Variants in MRPS25 observed in about 807,000 individuals in gnomAD.
The protein encoded by MRPS25 is small ribosomal subunit protein mS25.
Under a neutral mutation model 17.3 loss-of-function variants are expected in MRPS25, and 15 were observed. The ratio of observed to expected loss-of-function variants is 0.87; its 90% CI spans 0.58 to 1.34. MRPS25 has a LOEUF of 1.34. Among genes scored for constraint, MRPS25 ranks in the 40% most tolerant of loss-of-function variants. The pLI, the probability that MRPS25 is intolerant of heterozygous loss-of-function variation, is 0.00. For missense variants in MRPS25, 225 were observed against 218.6 expected, an observed-to-expected ratio of 1.03 and a Z score of -0.19; for synonymous variants, 94 against 83.3, an observed-to-expected ratio of 1.13 and a Z score of -0.70.
intron 2 of MRPS25, among the ~76,000 whole-genome samples, chr3:15,058,037 A>G (rs2042696556): frequency 6.6e-6 from 1 of 151,854 alleles, no homozygotes; most frequent in South Asian, 2.1e-4. Context: ...ATATGCCACC[A>G]CACTGGCTAA....
intron 2 of MRPS25, among the ~76,000 whole-genome samples, chr3:15,053,907 C>T (rs2042639012): frequency 1.3e-5 from 2 of 152,294 alleles, no homozygotes; most frequent in South Asian, 4.1e-4. Flanking sequence ...CGTTTACTTT[C>T]CAATTTCAAA....
downstream of MRPS25, chr3:15,046,668 G>C (rs749729709): frequency 2.6e-5 from 4 of 152,360 alleles, no homozygotes; most frequent in Non-Finnish European, 4.4e-5. Flanking sequence ...ATGACTTTAT[G>C]TGCAATGGGG....
chr3:15,065,212 G>T lies in MRPS25; in HGVS notation c.-18C>A. On this transcript the variant is annotated 5_prime_UTR_variant, in exon 1 of 4. Coordinates refer to ENST00000253686, the MANE Select transcript of MRPS25 (RefSeq NM_022497.5). ...ATGGGCATGGCGGCAACGGTGGCGG[G>T]GCCGACCCCACGGGCCGCGAGCCGA... is the stretch of plus-strand genomic sequence containing the variant. The T allele has an allele frequency of 6.4e-7, 1 of 1,574,294 alleles. No individual in the cohort carries two copies. The highest frequency in any genetic ancestry group is 1.4e-5 in the African/African-American group (1 of 73,888).
Position 15,065,072 on chromosome 3 carries a change from G to A in MRPS25, c.123C>T (p.Gly41=), listed in dbSNP as rs1239546110. 1.3e-6 allele frequency: 2 copies of A among 1,594,550 alleles called. No individual in the cohort carries two copies. The highest frequency in any genetic ancestry group is 1.7e-6 in the Non-Finnish European group (2 of 1,172,544). The change falls in exon 1 of 4, where the codon GGC becomes GGT. Residue 41 remains glycine, a synonymous_variant. Coordinates refer to ENST00000253686, the MANE Select transcript of MRPS25 (RefSeq NM_022497.5). ...GGGCTGCGACTGACCTGGCGCCCTC[G>A]CCCAGCTCCCCATGCGTGTTGTAAT... ...TVNYNTHGEL[G]EGARKFVFFN...
intron 2 of MRPS25, among the ~76,000 whole-genome samples, chr3:15,053,983 G>A (rs1384021543): frequency 5.3e-5 from 8 of 152,150 alleles, no homozygotes; most frequent in African/African-American, 1.7e-4. Context: ...ATGGCCGGGC[G>A]CGGTGGCTCA....
At position 15,051,736 on chromosome 3, in the gene MRPS25, T is replaced by G. The variant is rs868174881; in HGVS notation, c.*705A>C. ...CTCCACTAGGTGGTGTCTCCTCATT[T>G]CCTCCATGGCCTACAAACCTCCCTG... On this transcript the variant is annotated 3_prime_UTR_variant, in exon 4 of 4. Coordinates refer to ENST00000253686, the MANE Select transcript of MRPS25 (RefSeq NM_022497.5). The G allele has an allele frequency of 1.0e-6, 1 of 985,528 alleles. No homozygotes were observed. Among genetic ancestry groups the G allele is most frequent in the Non-Finnish European group, 1.2e-6 (1 of 830,052 alleles). 61.0% of individuals were successfully genotyped at this position (985,528 alleles called of 1,614,324 possible).
downstream of MRPS25, chr3:15,047,499 A>G (rs1188427673): frequency 1.3e-5 from 2 of 152,232 alleles, no homozygotes; most frequent in Non-Finnish European, 1.5e-5. Context: ...GGGTTGAGCC[A>G]TCAGCCTTCC....
Position 15,050,129 on chromosome 3 carries a change from CTA to C in MRPS25, c.*2310_*2311del. 7.3e-7 allele frequency: 1 copy of C among 1,370,798 alleles called. No individual in the cohort carries two copies. The allele number at this position is 1,370,798 out of a possible 1,614,324, so 84.9% of individuals were successfully genotyped here. A position where few individuals can be genotyped will look rare whatever the true frequency, so the allele number is the denominator to read the frequency against. ...GGAAAGACAAAGGTTTAAAGAGAAACTATCCAGGATCAAGTAGCCTACAGGGA... is the reference window on the plus strand; with the variant it reads ...GGAAAGACAAAGGTTTAAAGAGAAACTCCAGGATCAAGTAGCCTACAGGGA... On this transcript the variant is annotated 3_prime_UTR_variant, in exon 4 of 4. Coordinates refer to ENST00000253686, the MANE Select transcript of MRPS25 (RefSeq NM_022497.5).
rs532323864 is a variant in MRPS25, at chr3:15,058,606, T to G, written c.241+763A>C. ...ACATCCCAGCCTCCGGACCAGCACC[T>G]GGTCCTAGGGAACATGTGTTACATA... On this transcript the variant is annotated intron_variant, in intron 2 of 3. Transcript: ENST00000253686. Among the ~76,000 whole-genome samples, 24 of 152,358 alleles carry G rather than the reference T, an allele frequency of 1.6e-4. No homozygotes were observed. The South Asian group carries it at 1.9e-3, about 12-fold the overall frequency.
Position 15,065,231 on chromosome 3 carries a change from G to C in MRPS25, c.-37C>G. ...TGGCGGGGCCGACCCCACGGGCCGC[G>C]AGCCGAGCAGCGACGAGAAAGGACT... On this transcript the variant is annotated 5_prime_UTR_variant, in exon 1 of 4. Transcript: ENST00000253686. 1 of 1,554,848 alleles carries C rather than the reference G, an allele frequency of 6.4e-7. No homozygotes were observed. Among genetic ancestry groups the C allele is most frequent in the Non-Finnish European group, 8.7e-7 (1 of 1,152,046 alleles).
chr3:15,042,846 C>T (rs1243912397), downstream of MRPS25: 2 of 1,613,976 alleles, frequency 1.2e-6, no homozygotes, highest in Admixed American at 3.3e-5. Context: ...TGGCCCGGAT[C>T]CTCGTTCGCC....
intron 2 of MRPS25, among the ~76,000 whole-genome samples, chr3:15,054,998 T>A (rs2042651974): frequency 6.6e-6 from 1 of 152,212 alleles, no homozygotes; most frequent in Non-Finnish European, 1.5e-5. Context: ...CACAGCAGCT[T>A]CTGCTTCTGG....
At chr3:15,054,822 A>C (rs986915095) in intron 2 of MRPS25, among the ~76,000 whole-genome samples, 1 of 152,382 alleles carries the variant, frequency 6.6e-6, no homozygotes, top group South Asian at 2.1e-4. Context: ...TCCAGAATAT[A>C]TAAAAAACTC....
chr3:15,055,883 T>A (rs1159490575), intron 2 of MRPS25, among the ~76,000 whole-genome samples: 4 of 139,918 alleles, frequency 2.9e-5, no homozygotes, highest in Admixed American at 7.2e-5. Flanking sequence ...CATAAAGAAC[T>A]CGACAAGAAA....
intron 2 of MRPS25, among the ~76,000 whole-genome samples, chr3:15,057,015 TG>T (rs1178257429): frequency 1.3e-5 from 2 of 152,182 alleles, no homozygotes; most frequent in African/African-American, 4.8e-5. Context: ...GATAGAGACC[TG>T]CGCAGCCTAC....
chr3:15,064,396 C>A (rs2042826391), intron 1 of MRPS25, among the ~76,000 whole-genome samples: 1 of 152,134 alleles, frequency 6.6e-6, no homozygotes, highest in Admixed American at 6.5e-5. Context: ...TCCTTCTAGT[C>A]GGGGTAGGGT....
intron 2 of MRPS25, among the ~76,000 whole-genome samples, chr3:15,055,977 G>A (rs1190414830): frequency 6.6e-6 from 1 of 151,828 alleles, no homozygotes. Flanking sequence ...ACTTTGGGAG[G>A]CCGAGGCGGG....
rs1380633403 is a variant in MRPS25 at position 15,059,428 on chromosome 3, C to G, written c.182G>C (p.Trp61Ser). The G allele has an allele frequency of 6.2e-7, 1 of 1,613,776 alleles. No homozygotes were observed. Among genetic ancestry groups the G allele is most frequent in the Non-Finnish European group, 8.5e-7 (1 of 1,179,830 alleles). ...NIPQIQYKNPWVQIMMFKNMT... is the reference protein window; with the variant it reads ...NIPQIQYKNPSVQIMMFKNMT... ...GTTCTTAAACATCATGATCTGCACC[C>G]AAGGGTTTTTGTATTGAATCTGAGG... The change falls in exon 2 of 4, where the codon TGG becomes TCG. Residue 61 changes from tryptophan to serine, a missense_variant. By Grantham distance (177) the Trp-to-Ser change is radical. Coordinates refer to ENST00000253686, the MANE Select transcript of MRPS25 (RefSeq NM_022497.5).
chr3:15,052,852 A>G (rs1575066790), intron 3 of MRPS25, among the ~76,000 whole-genome samples: 3 of 152,186 alleles, frequency 2.0e-5, no homozygotes, highest in African/African-American at 7.2e-5. Context: ...CCACAGCAGC[A>G]AGCCTACACA....
Sources: allele counts gnomAD v4.1 joint callset (sites outside exome capture counted in the v4.1 genomes callset), GRCh38; gene constraint gnomAD v4.1.1; transcripts MANE v1.5; gene names NCBI Gene and HGNC (gene_info 2026-07-23, HGNC 2026-07-21).